The following PPARGC1A variants were observed in gnomAD, a reference collection of about 807,000 sequenced individuals.
The protein encoded by PPARGC1A is PPARG coactivator 1 alpha.
PPARGC1A carries 25 observed loss-of-function variants against 88.7 expected under a neutral mutation model. The ratio of observed to expected loss-of-function variants is 0.28; its 90% CI spans 0.21 to 0.39. The LOEUF (loss-of-function observed/expected upper bound fraction) is 0.39. Among genes scored for constraint, PPARGC1A ranks in the 10% least tolerant of loss-of-function variants. PPARGC1A has a pLI of 1.00. For missense variants in PPARGC1A, 880 were observed against 968.7 expected, an observed-to-expected ratio of 0.91 and a Z score of 1.22; for synonymous variants, 363 against 355.6, an observed-to-expected ratio of 1.02 and a Z score of -0.24.
chr4:23,996,852 C>G, the PPARGC1A span, among the ~76,000 whole-genome samples: 1 of 152,234 alleles, frequency 6.6e-6, no homozygotes, highest in Non-Finnish European at 1.5e-5. Flanking sequence ...GGTGGCCAAG[C>G]GGATTTGACA....
At chr4:23,926,453 G>A in the PPARGC1A span, among the ~76,000 whole-genome samples, 1 of 152,166 alleles carries the variant, frequency 6.6e-6, no homozygotes, top group African/African-American at 2.4e-5. Flanking sequence ...GTTCAAGCCA[G>A]CGATCTTTCT....
At chr4:23,903,077 ATATAT>A (rs199894701), upstream of PPARGC1A, among the ~76,000 whole-genome samples, 109 of 152,334 alleles carry the variant, frequency 7.2e-4, 2 homozygotes, top group East Asian at 0.018. Context: ...AATATCAATC[ATATAT>A]TATAACACTT....
intron 2 of PPARGC1A, among the ~76,000 whole-genome samples, chr4:23,844,028 C>A (rs1249165471): frequency 6.6e-6 from 1 of 151,194 alleles, no homozygotes; most frequent in African/African-American, 2.4e-5. Flanking sequence ...ATATATATAT[C>A]TTTATTTACA....
chr4:24,242,150 C>G, the PPARGC1A span, among the ~76,000 whole-genome samples: 1 of 152,172 alleles, frequency 6.6e-6, no homozygotes, highest in African/African-American at 2.4e-5. Flanking sequence ...GATGTTCCAG[C>G]CTCCAGTTTC....
intron 10 of PPARGC1A, among the ~76,000 whole-genome samples, chr4:23,803,682 A>G (rs1025859734): frequency 1.3e-5 from 2 of 152,202 alleles, no homozygotes; most frequent in South Asian, 2.1e-4. Context: ...GTGCTCACCA[A>G]CTAGTTTGTA....
At chr4:24,410,383 T>A in the PPARGC1A span, among the ~76,000 whole-genome samples, 1 of 152,208 alleles carries the variant, frequency 6.6e-6, no homozygotes, top group African/African-American at 2.4e-5. Context: ...ACAAAAAGTT[T>A]TGCGTGTGTT....
At chr4:24,365,536 G>A in the PPARGC1A span, among the ~76,000 whole-genome samples, 2 of 152,146 alleles carry the variant, frequency 1.3e-5, no homozygotes, top group South Asian at 2.1e-4. Context: ...CCTGTATCTT[G>A]TATATTCCCC....
chr4:24,231,075 G>A, the PPARGC1A span, among the ~76,000 whole-genome samples: 9 of 152,028 alleles, frequency 5.9e-5, no homozygotes, highest in South Asian at 4.2e-4. Flanking sequence ...GAGAAAAATC[G>A]AGAATGATCC....
At chr4:24,452,368 A>C in the PPARGC1A span, among the ~76,000 whole-genome samples, 1 of 152,126 alleles carries the variant, frequency 6.6e-6, no homozygotes, top group Non-Finnish European at 1.5e-5. Flanking sequence ...TTTCCAGTGA[A>C]GCTTCAGCTG....
chr4:24,410,268 A>C, the PPARGC1A span, among the ~76,000 whole-genome samples: 1 of 152,218 alleles, frequency 6.6e-6, no homozygotes, highest in Non-Finnish European at 1.5e-5. Context: ...GGTAACATTA[A>C]ATAACAATAG....
the PPARGC1A span, among the ~76,000 whole-genome samples, chr4:24,353,515 T>A: frequency 6.6e-6 from 1 of 152,198 alleles, no homozygotes; most frequent in Non-Finnish European, 1.5e-5. Flanking sequence ...ACTCGGCCAC[T>A]AAACTTCAGA....
intron 2 of PPARGC1A, among the ~76,000 whole-genome samples, chr4:23,838,113 C>T (rs1177207036): frequency 2.0e-5 from 3 of 152,174 alleles, no homozygotes; most frequent in Non-Finnish European, 4.4e-5. Flanking sequence ...GACACCACTT[C>T]ACTGCATGTG....
At chr4:23,896,305 T>C (rs1413629015) in intron 1 of PPARGC1A, among the ~76,000 whole-genome samples, 1 of 152,148 alleles carries the variant, frequency 6.6e-6, no homozygotes, top group African/African-American at 2.4e-5. Context: ...AGAAGAAGAA[T>C]TATTCAGTTT....
At chr4:24,243,670 G>A in the PPARGC1A span, among the ~76,000 whole-genome samples, 1 of 152,200 alleles carries the variant, frequency 6.6e-6, no homozygotes, top group Non-Finnish European at 1.5e-5. Flanking sequence ...CAATATAGGT[G>A]TGAAGGCTGA....
the PPARGC1A span, among the ~76,000 whole-genome samples, chr4:24,322,800 T>G: frequency 0.026 from 3,928 of 152,292 alleles, 173 homozygotes; most frequent in African/African-American, 0.09. Flanking sequence ...AGCCCACGAC[T>G]GCTTACTGGG....
chr4:23,827,393 T>C (rs1187934837), intron 5 of PPARGC1A, among the ~76,000 whole-genome samples: 1 of 151,468 alleles, frequency 6.6e-6, no homozygotes, highest in Non-Finnish European at 1.5e-5. Context: ...TGGCTCCCAC[T>C]CTGCAGTTAA....
the PPARGC1A span, among the ~76,000 whole-genome samples, chr4:24,322,435 C>T: frequency 6.6e-6 from 1 of 152,234 alleles, no homozygotes; most frequent in African/African-American, 2.4e-5. Flanking sequence ...GGTAACACCT[C>T]AGACACTTTA....
the PPARGC1A span, among the ~76,000 whole-genome samples, chr4:24,379,781 C>CTTTT: frequency 5.5e-3 from 759 of 138,152 alleles, 19 homozygotes; most frequent in African/African-American, 0.019. Flanking sequence ...TATTTAAATT[C>CTTTT]TTTTTTTTTT....
the PPARGC1A span, among the ~76,000 whole-genome samples, chr4:24,336,169 T>C: frequency 6.6e-6 from 1 of 152,282 alleles, no homozygotes; most frequent in Admixed American, 6.5e-5. Context: ...TCCTCTCTAG[T>C]ATTTTGTGTC....
Sources: gnomAD v4.1 joint callset for allele counts (sites outside exome capture counted in the v4.1 genomes callset) on GRCh38, gnomAD v4.1.1 for gene constraint, MANE v1.5 for transcripts, NCBI Gene and HGNC (gene_info 2026-07-23, HGNC 2026-07-21) for gene names.